Variants in JARID2 observed in about 807,000 individuals in gnomAD.
The protein encoded by JARID2 is jumonji and AT-rich interaction domain containing 2.
In JARID2, 21 loss-of-function variants were observed where a neutral mutation model predicts 125.6. The ratio of observed to expected loss-of-function variants is 0.17; its 90% CI spans 0.12 to 0.24. The LOEUF (loss-of-function observed/expected upper bound fraction) is 0.24, where lower values mean the gene tolerates loss of function less well. Ranked by LOEUF, JARID2 falls within the 10% of genes least tolerant of loss-of-function variation. The probability of loss-of-function intolerance (pLI) is 1.00; values close to 1 mark genes in which losing one functional copy is unlikely to be tolerated. For synonymous variants in JARID2, 736 were observed against 661.6 expected, an observed-to-expected ratio of 1.11 and a Z score of -1.73; for missense variants, 1,303 against 1,639.6, an observed-to-expected ratio of 0.79 and a Z score of 3.55.
chr6:15,252,119 C>A (rs1170350564), intron 1 of JARID2, among the ~76,000 whole-genome samples: 1 of 152,158 alleles, frequency 6.6e-6, no homozygotes, highest in Non-Finnish European at 1.5e-5. Flanking sequence ...CATTGCTTTG[C>A]AAGTGATTCC....
chr6:15,287,780 A>G (rs1407921618), intron 1 of JARID2, among the ~76,000 whole-genome samples: 3 of 152,302 alleles, frequency 2.0e-5, no homozygotes, highest in South Asian at 4.1e-4. Flanking sequence ...TTAGGAGCCC[A>G]TGTTAAACAT....
intron 1 of JARID2, among the ~76,000 whole-genome samples, chr6:15,280,961 G>C (rs1478258070): frequency 1.3e-5 from 2 of 152,070 alleles, no homozygotes; most frequent in Non-Finnish European, 2.9e-5. Context: ...GCCTTTTTGT[G>C]ATTTTTGTCT....
chr6:15,432,733 G>A (rs537030813), intron 3 of JARID2, among the ~76,000 whole-genome samples: 53 of 152,286 alleles, frequency 3.5e-4, no homozygotes, highest in Non-Finnish European at 6.5e-4. Flanking sequence ...AAGTCCTTAG[G>A]CTCCTTCCCT....
intron 3 of JARID2, among the ~76,000 whole-genome samples, chr6:15,411,068 A>T (rs2127569696): frequency 6.6e-6 from 1 of 152,218 alleles, no homozygotes; most frequent in Middle Eastern, 3.4e-3. Flanking sequence ...CTGATATGTT[A>T]CTTCCTTTTT....
At chr6:15,247,172 G>A (rs1032438934) in intron 1 of JARID2, among the ~76,000 whole-genome samples, 1 of 152,262 alleles carries the variant, frequency 6.6e-6, no homozygotes, top group South Asian at 2.1e-4. Flanking sequence ...TAATAATGAG[G>A]CTGGTTTTGT....
chr6:15,381,341 C>CCAAAAAAAAAA (rs70996539), intron 2 of JARID2, among the ~76,000 whole-genome samples: 1 of 92,978 alleles, frequency 1.1e-5, no homozygotes. Context: ...ACTCCTGTCT[C>CCAAAAAAAAAA]AAAAAAAAAA....
At chr6:15,401,180 CTA>C (rs1268614032) in intron 2 of JARID2, among the ~76,000 whole-genome samples, 1 of 150,328 alleles carries the variant, frequency 6.7e-6, no homozygotes, top group Non-Finnish European at 1.5e-5. Flanking sequence ...ATATGAGAGA[CTA>C]TGTAAAAAGT....
At chr6:15,287,733 A>T (rs1761056881) in intron 1 of JARID2, among the ~76,000 whole-genome samples, 1 of 152,110 alleles carries the variant, frequency 6.6e-6, no homozygotes, top group African/African-American at 2.4e-5. Flanking sequence ...CCTTGGCCTT[A>T]GCTTCGGTGT....
rs1768102443 is a variant in JARID2, at chr6:15,455,191, T to TC, written c.493+3017dup. Among the ~76,000 whole-genome samples, 3 of 79,868 alleles carry TC rather than the reference T, an allele frequency of 3.8e-5. No homozygotes were observed. The Admixed American group carries it at 3.9e-4, about 10-fold the overall frequency. 52.4% of individuals were successfully genotyped at this position (79,868 alleles called of 152,430 possible). A position where few individuals can be genotyped will look rare whatever the true frequency, so the allele number is the denominator to read the frequency against. On this transcript the variant is annotated intron_variant, in intron 4 of 17. Transcript: ENST00000341776. ...CTTGGCAATTAAGTGGCACTTTGTC[T>TC]CAAAAAAAAAAAAAAAACAATGGTG...
chr6:15,505,996 A>T (rs931645882), intron 9 of JARID2, among the ~76,000 whole-genome samples: 9 of 152,256 alleles, frequency 5.9e-5, no homozygotes, highest in Middle Eastern at 3.2e-3. Context: ...ATTATCCATG[A>T]TGCGCAAGAA....
chr6:15,338,023 A>G (rs550959702), intron 1 of JARID2, among the ~76,000 whole-genome samples: 107 of 152,332 alleles, frequency 7.0e-4, no homozygotes, highest in African/African-American at 2.5e-3. Flanking sequence ...GCCATGCTTC[A>G]TGGTGTAAAC....
intron 3 of JARID2, among the ~76,000 whole-genome samples, chr6:15,439,649 G>A (rs1445053691): frequency 6.6e-6 from 1 of 152,190 alleles, no homozygotes; most frequent in Non-Finnish European, 1.5e-5. Context: ...ATTACACACA[G>A]CTTGGGTGTT....
rs1200381693 is a variant in JARID2 at position 15,496,751 on chromosome 6, C to T, written c.1526C>T (p.Pro509Leu). The change falls in exon 7 of 18, where the codon CCA becomes CTA. Residue 509 changes from proline (P) to leucine (L), a missense_variant. By Grantham distance (98) the Pro-to-Leu change is moderately conservative. Transcript: ENST00000341776. ...PKRATAGKST[P>L]GRQAHGKADS... ...CGGGCCACGGCCGGGAAGAGCACGC[C>T]AGGCAGACAAGCACATGGCAAGGCG... 1 of 1,613,660 alleles carries T rather than the reference C, an allele frequency of 6.2e-7. No homozygotes were observed. The highest frequency in any genetic ancestry group is 8.5e-7 in the Non-Finnish European group (1 of 1,179,954).
chr6:15,254,250 C>T (rs528694466), intron 1 of JARID2, among the ~76,000 whole-genome samples: 1 of 152,286 alleles, frequency 6.6e-6, no homozygotes, highest in East Asian at 1.9e-4. Context: ...TTACAAATGC[C>T]CCCACCACAT....
intron 12 of JARID2, among the ~76,000 whole-genome samples, chr6:15,510,912 A>T (rs1771246688): frequency 6.6e-6 from 1 of 152,248 alleles, no homozygotes; most frequent in Admixed American, 6.5e-5. Context: ...TGTTAACAGA[A>T]GGAGGGTGCA....
At chr6:15,519,576 AAC>A (rs1240029038) in intron 17 of JARID2, among the ~76,000 whole-genome samples, 11 of 152,216 alleles carry the variant, frequency 7.2e-5, no homozygotes, top group Non-Finnish European at 1.0e-4. Flanking sequence ...GAAAGTTACA[AAC>A]ACAGTTTTTG....
chr6:15,321,162 A>G (rs1413386881), intron 1 of JARID2, among the ~76,000 whole-genome samples: 7 of 152,202 alleles, frequency 4.6e-5, no homozygotes, highest in Non-Finnish European at 8.8e-5. Context: ...CAGTGTTATC[A>G]ATTACAAAAC....
In JARID2 at chr6:15,516,561, A is replaced by C. The variant is rs564230000; in HGVS notation, c.3451-600A>C. On this transcript the variant is annotated intron_variant, in intron 16 of 17. Coordinates refer to ENST00000341776, the MANE Select transcript of JARID2 (RefSeq NM_004973.4). ...TGGTGGGTGAGGTCATCGGCGTCACAGCGGTCAGGAATCTGTGATGTTGAG... is the reference window on the plus strand; with the variant it reads ...TGGTGGGTGAGGTCATCGGCGTCACCGCGGTCAGGAATCTGTGATGTTGAG... 2.6e-5 allele frequency among the ~76,000 whole-genome samples: 4 copies of C among 152,306 alleles called. No homozygotes were observed. The East Asian group carries it at 7.7e-4, about 29-fold the overall frequency.
At chr6:15,474,460 CTTTTTTTT>C (rs59060966) in intron 5 of JARID2, among the ~76,000 whole-genome samples, 1 of 143,780 alleles carries the variant, frequency 7.0e-6, no homozygotes, top group Non-Finnish European at 1.5e-5. Flanking sequence ...AGTTGCATGC[CTTTTTTTT>C]TTTTTTTTTA....
Sources: allele counts gnomAD v4.1 joint callset (sites outside exome capture counted in the v4.1 genomes callset), GRCh38; gene constraint gnomAD v4.1.1; transcripts MANE v1.5; gene names NCBI Gene and HGNC (gene_info 2026-07-23, HGNC 2026-07-21).